Variants in MEGF11 observed in about 807,000 individuals in gnomAD.
MEGF11 encodes the protein multiple EGF like domains 11.
MEGF11 carries 126 observed loss-of-function variants against 146.6 expected under a neutral mutation model. The ratio of observed to expected loss-of-function variants is 0.86; its 90% CI spans 0.74 to 1.00. The LOEUF (loss-of-function observed/expected upper bound fraction) is 1.00, where lower values mean the gene tolerates loss of function less well. MEGF11 is among the 50% of genes least tolerant of loss of function. The pLI, the probability that MEGF11 is intolerant of heterozygous loss-of-function variation, is 0.00. For synonymous variants in MEGF11, 532 were observed against 583.4 expected (o/e 0.91, Z 1.27); for missense variants, 1,509 against 1,521.2 (o/e 0.99, Z 0.13).
At chr15:65,984,814 G>A (rs1347322218) in intron 5 of MEGF11, among the ~76,000 whole-genome samples, 1 of 152,098 alleles carries the variant, frequency 6.6e-6, no homozygotes, top group Non-Finnish European at 1.5e-5. Flanking sequence ...TATTAGGCAG[G>A]ATGGAGTACA....
chr15:65,915,261 G>T (rs2078955619), intron 19 of MEGF11, among the ~76,000 whole-genome samples: 1 of 152,154 alleles, frequency 6.6e-6, no homozygotes, highest in African/African-American at 2.4e-5. Flanking sequence ...CTTGCCAAGG[G>T]TGAGCCTAGG....
chr15:65,976,033 A>G (rs1188098989), intron 7 of MEGF11, among the ~76,000 whole-genome samples: 1 of 136,466 alleles, frequency 7.3e-6, no homozygotes, highest in Non-Finnish European at 1.5e-5. Flanking sequence ...GTACCCCTTC[A>G]ACATTCCTTT....
At chr15:65,953,598 A>G (rs1186615078) in intron 10 of MEGF11, among the ~76,000 whole-genome samples, 2 of 152,172 alleles carry the variant, frequency 1.3e-5, no homozygotes, top group Non-Finnish European at 2.9e-5. Flanking sequence ...TGTGCTTATT[A>G]CTAGAACACA....
intron 1 of MEGF11, among the ~76,000 whole-genome samples, chr15:66,234,686 T>C (rs138639037): frequency 6.6e-6 from 1 of 152,332 alleles, no homozygotes; most frequent in East Asian, 1.9e-4. Flanking sequence ...GGAGGGAAGA[T>C]TCTGGAGCCA....
chr15:65,909,475 G>A, intron 22 of MEGF11, among the ~76,000 whole-genome samples: 1 of 152,036 alleles, frequency 6.6e-6, no homozygotes, highest in East Asian at 1.9e-4. Context: ...GATGGTGAGT[G>A]TGTCTTTTGC....
At chr15:66,231,060 A>G (rs985269014) in intron 1 of MEGF11, among the ~76,000 whole-genome samples, 2 of 151,920 alleles carry the variant, frequency 1.3e-5, no homozygotes, top group African/African-American at 4.9e-5. Context: ...ATGGTTAAAT[A>G]ATTTTAGAAA....
chr15:66,032,302 G>C (rs2083553914), intron 5 of MEGF11, among the ~76,000 whole-genome samples: 1 of 152,202 alleles, frequency 6.6e-6, no homozygotes, highest in South Asian at 2.1e-4. Flanking sequence ...ATAGAAAACA[G>C]ACTGTGACAG....
At position 66,188,391 on chromosome 15, in the gene MEGF11, G is replaced by A. The variant is rs189002649; in HGVS notation, c.-8-59980C>T. ...CACTTATAACATGAAAAGAAAGAAAGGAAGAAAAAAAAAAACCTTGCCAGG... is the reference window on the plus strand; with the variant it reads ...CACTTATAACATGAAAAGAAAGAAAAGAAGAAAAAAAAAAACCTTGCCAGG... On this transcript the variant is annotated intron_variant, in intron 1 of 25. Transcript: ENST00000395614. 8.6e-5 allele frequency among the ~76,000 whole-genome samples: 13 copies of A among 151,542 alleles called. No individual in the cohort carries two copies. In the East Asian group the frequency reaches 1.7e-3, roughly 20 times the overall value.
At chr15:66,097,487 C>T (rs1463806500) in intron 4 of MEGF11, among the ~76,000 whole-genome samples, 4 of 152,202 alleles carry the variant, frequency 2.6e-5, no homozygotes, top group African/African-American at 9.7e-5. Flanking sequence ...GGTGCTGCCA[C>T]CCTGGCCTCC....
chr15:66,152,586 C>T (rs2089609638), intron 1 of MEGF11, among the ~76,000 whole-genome samples: 1 of 152,238 alleles, frequency 6.6e-6, no homozygotes, highest in Non-Finnish European at 1.5e-5. Context: ...AACCTTCATC[C>T]CTTGGCCCAG....
intron 24 of MEGF11, among the ~76,000 whole-genome samples, chr15:65,900,219 A>G (rs1236865762): frequency 6.6e-6 from 1 of 152,230 alleles, no homozygotes; most frequent in Non-Finnish European, 1.5e-5. Context: ...AAGGTAGCAG[A>G]TGGTGAAATT....
intron 1 of MEGF11, among the ~76,000 whole-genome samples, chr15:66,227,196 T>C (rs7172408): frequency 0.27 from 41,121 of 151,920 alleles, 5,758 homozygotes; most frequent in Non-Finnish European, 0.32. Context: ...TCGTGGAGGA[T>C]GCCTTCCTCC....
At chr15:66,103,534 T>C (rs1195857812) in intron 4 of MEGF11, among the ~76,000 whole-genome samples, 2 of 152,134 alleles carry the variant, frequency 1.3e-5, no homozygotes, top group Non-Finnish European at 2.9e-5. Context: ...TTAGCTATGT[T>C]GATGACAGTG....
At chr15:66,203,852 AT>A (rs2091231170) in intron 1 of MEGF11, among the ~76,000 whole-genome samples, 1 of 152,236 alleles carries the variant, frequency 6.6e-6, no homozygotes, top group South Asian at 2.1e-4. Flanking sequence ...AGTTGCAATA[AT>A]GTTCTTGTGA....
At chr15:66,216,871 T>G (rs1321593749) in intron 1 of MEGF11, among the ~76,000 whole-genome samples, 1 of 152,196 alleles carries the variant, frequency 6.6e-6, no homozygotes, top group African/African-American at 2.4e-5. Flanking sequence ...GCCACTTGGC[T>G]CAAGGATACA....
intron 3 of MEGF11, among the ~76,000 whole-genome samples, chr15:66,122,897 C>T (rs1233384745): frequency 6.6e-6 from 1 of 152,094 alleles, no homozygotes; most frequent in Non-Finnish European, 1.5e-5. Context: ...CATTCTCTTG[C>T]CTCAGCCTCC....
chr15:65,966,596 A>C (rs1459408951), intron 8 of MEGF11, among the ~76,000 whole-genome samples: 1 of 152,128 alleles, frequency 6.6e-6, no homozygotes, highest in Non-Finnish European at 1.5e-5. Context: ...ATGCCCTGTG[A>C]CAAGGCTATT....
At chr15:65,979,682 T>TTG (rs1220719884) in intron 7 of MEGF11, among the ~76,000 whole-genome samples, 2 of 152,172 alleles carry the variant, frequency 1.3e-5, no homozygotes, top group African/African-American at 4.8e-5. Flanking sequence ...AAAAGGAGGC[T>TTG]TGTGGAGGGT....
At chr15:66,178,184 C>T (rs775976732) in intron 1 of MEGF11, among the ~76,000 whole-genome samples, 101 of 152,202 alleles carry the variant, frequency 6.6e-4, no homozygotes, top group Non-Finnish European at 1.3e-3. Flanking sequence ...GGGAATCTCA[C>T]GATGTTTCCC....
Sources: gnomAD v4.1 joint callset for allele counts (sites outside exome capture counted in the v4.1 genomes callset) on GRCh38, gnomAD v4.1.1 for gene constraint, MANE v1.5 for transcripts, NCBI Gene and HGNC (gene_info 2026-07-23, HGNC 2026-07-21) for gene names.